The following RTKN2 variants were observed in gnomAD, a reference collection of about 807,000 sequenced individuals.
The protein encoded by RTKN2 is rhotekin 2, also known as rhotekin-2.
RTKN2 carries 69 observed loss-of-function variants against 71.5 expected under a neutral mutation model. That is an observed-to-expected ratio of 0.96 (90% confidence interval 0.79 to 1.18). The LOEUF (loss-of-function observed/expected upper bound fraction) is 1.18, where lower values mean the gene tolerates loss of function less well. Among genes scored for constraint, RTKN2 ranks in the 50% most tolerant of loss-of-function variants. RTKN2 has a pLI of 0.00. For missense variants in RTKN2, 724 were observed against 719.7 expected, an observed-to-expected ratio of 1.01 and a Z score of -0.07; for synonymous variants, 236 against 236.5, an observed-to-expected ratio of 1.00 and a Z score of 0.02.
Position 62,223,329 on chromosome 10 carries a change from AC to A in RTKN2, c.689del (p.Gly230ValfsTer2). 6.3e-7 allele frequency: 1 copy of A among 1,576,846 alleles called. No homozygotes were observed. The highest frequency in any genetic ancestry group is 8.7e-7 in the Non-Finnish European group (1 of 1,146,368). ...MCLLLSSAVFGVKYNLLAHTT... is the reference protein window; with the variant it reads ...MCLLLSSAVFXVKYNLLAHTT... ...TGTGAGCTAGCAAATTATACTTTAC[AC>A]CACTAATAGTAAGAAAGAAGACATG... On this transcript the variant is annotated frameshift_variant and splice_region_variant, in exon 7 of 12. Transcript: ENST00000373789. LOFTEE classifies it high-confidence loss of function.
intron 8 of RTKN2, chr10:62,184,422 C>T (rs1303770591): frequency 8.5e-7 from 1 of 1,183,152 alleles, no homozygotes; most frequent in Non-Finnish European, 1.2e-6. Context: ...TAGTCACCCA[C>T]AGAGGTAAAG....
intron 3 of RTKN2, among the ~76,000 whole-genome samples, chr10:62,245,599 T>C (rs1842463369): frequency 6.6e-6 from 1 of 152,056 alleles, no homozygotes; most frequent in African/African-American, 2.4e-5. Context: ...AAAATAAACA[T>C]GGTACCAAAA....
Position 62,204,909 on chromosome 10 carries a change from TC to T in RTKN2, c.1133del (p.Arg378LysfsTer29), listed in dbSNP as rs776262478. ...AITQIFAVDNREDLQKWMEAF... is the reference protein window; with the variant it reads ...AITQIFAVDNXEDLQKWMEAF... ...CTTCCATCCACTTCTGAAGATCTTCTCTATTGTCAACTGCAAAAATCTGAGT... is the reference window on the plus strand; with the variant it reads ...CTTCCATCCACTTCTGAAGATCTTCTTATTGTCAACTGCAAAAATCTGAGT... On this transcript the variant is annotated frameshift_variant, in exon 10 of 12. Coordinates refer to ENST00000373789, the MANE Select transcript of RTKN2 (RefSeq NM_145307.4). LOFTEE classifies it high-confidence loss of function. 1 of 1,599,034 alleles carries T rather than the reference TC, an allele frequency of 6.3e-7. No individual in the cohort carries two copies. Among genetic ancestry groups the T allele is most frequent in the Non-Finnish European group, 8.5e-7 (1 of 1,175,128 alleles).
At position 62,241,465 on chromosome 10, in the gene RTKN2, A is replaced by G. The variant is rs562268446; in HGVS notation, c.317-270T>C. 3.3e-5 allele frequency among the ~76,000 whole-genome samples: 5 copies of G among 152,210 alleles called. No individual in the cohort carries two copies. The South Asian group carries it at 8.3e-4, about 25-fold the overall frequency. The stretch of plus-strand genomic sequence containing the variant: ...TCTGTTTCTTCCTTACTGATTAATT[A>G]TGACATCTTTATCATATATGCCATT... On this transcript the variant is annotated intron_variant, in intron 3 of 11. Coordinates refer to ENST00000373789, the MANE Select transcript of RTKN2 (RefSeq NM_145307.4).
In RTKN2 at chr10:62,198,148, C is replaced by T. The variant is rs377208191; in HGVS notation, c.1590G>A (p.Trp530Ter). The T allele has an allele frequency of 7.7e-5, 125 of 1,613,976 alleles. No homozygotes were observed. Among genetic ancestry groups the T allele is most frequent in the Non-Finnish European group, 1.0e-4 (120 of 1,180,010 alleles). Residue 530 changes from tryptophan to a stop codon, truncating the protein, a stop_gained, in exon 12 of 12, where the codon TGG becomes TGA. Transcript: ENST00000373789. LOFTEE classifies it high-confidence loss of function. ...SNTDQLVKDN[W>*]GKTSVSQTSS... ...ATGTCTGAGATACACTTGTTTTTCC[C>T]CAGTTGTCCTTAACCAATTGATCTG...
chr10:62,237,493 G>A (rs1349980446), intron 5 of RTKN2, among the ~76,000 whole-genome samples: 1 of 151,762 alleles, frequency 6.6e-6, no homozygotes, highest in Non-Finnish European at 1.5e-5. Flanking sequence ...TATATACATA[G>A]GCATGTTAAA....
At chr10:62,223,893 G>A (rs1476519223) in intron 6 of RTKN2, among the ~76,000 whole-genome samples, 3 of 152,114 alleles carry the variant, frequency 2.0e-5, no homozygotes, top group Admixed American at 2.0e-4. Context: ...ATTGACAATA[G>A]CCTAAAGGTA....
At chr10:62,266,082 G>C (rs958925681) in intron 1 of RTKN2, among the ~76,000 whole-genome samples, 2 of 152,168 alleles carry the variant, frequency 1.3e-5, no homozygotes, top group Non-Finnish European at 2.9e-5. Flanking sequence ...CTGAGTAAGG[G>C]CTTGCCTCTA....
chr10:62,232,000 G>A (rs1286857701), intron 6 of RTKN2, among the ~76,000 whole-genome samples: 1 of 152,198 alleles, frequency 6.6e-6, no homozygotes. Context: ...TCACACTACA[G>A]TGTCAACAGA....
At chr10:62,242,651 T>C (rs1056226925) in intron 3 of RTKN2, among the ~76,000 whole-genome samples, 1 of 151,762 alleles carries the variant, frequency 6.6e-6, no homozygotes, top group African/African-American at 2.4e-5. Flanking sequence ...CGTCTTGCTC[T>C]ACCACCCAGG....
intron 2 of RTKN2, among the ~76,000 whole-genome samples, chr10:62,258,853 T>C (rs1440415014): frequency 6.6e-6 from 1 of 152,164 alleles, no homozygotes; most frequent in African/African-American, 2.4e-5. Context: ...CACAGGTTCT[T>C]TTTTGGACGG....
chr10:62,232,442 G>A (rs1842169861), intron 6 of RTKN2, among the ~76,000 whole-genome samples: 1 of 151,396 alleles, frequency 6.6e-6, no homozygotes, highest in Non-Finnish European at 1.5e-5. Flanking sequence ...AGCCTCCTGG[G>A]TAGTTGGGAC....
chr10:62,236,005 A>C (rs1225904984), intron 6 of RTKN2, 61 bp downstream of exon 6: 3 of 1,195,216 alleles, frequency 2.5e-6, no homozygotes, highest in Non-Finnish European at 3.6e-6. Flanking sequence ...TTCACATATA[A>C]TACTTTAAAA....
chr10:62,213,948 A>G (rs1841714974), intron 9 of RTKN2, among the ~76,000 whole-genome samples: 1 of 151,950 alleles, frequency 6.6e-6, no homozygotes, highest in Admixed American at 6.6e-5. Context: ...ATAGTGCTTG[A>G]TTTTTTCAAT....
intron 8 of RTKN2, 23 bp from the exon 9 acceptor site, chr10:62,217,272 C>G: frequency 1.4e-6 from 2 of 1,406,568 alleles, no homozygotes; most frequent in South Asian, 1.5e-5. Flanking sequence ...AAAAAAAAAT[C>G]AAGAGACTAT....
Position 62,194,798 on chromosome 10 carries a change from A to C in RTKN2, c.*3110T>G. On this transcript the variant is annotated 3_prime_UTR_variant, in exon 12 of 12. Coordinates refer to ENST00000373789, the MANE Select transcript of RTKN2 (RefSeq NM_145307.4). ...GTATCTCTAATTCAAGACAGCTTCC[A>C]TTTTTAATAAATAGTAGCAGGTAAA... 6 of 985,322 alleles carry C rather than the reference A, an allele frequency of 6.1e-6. No homozygotes were observed. Among genetic ancestry groups the C allele is most frequent in the Non-Finnish European group, 7.2e-6 (6 of 829,816 alleles). The allele number at this position is 985,322 out of a possible 1,614,324, so 61.0% of individuals were successfully genotyped here.
chr10:62,242,405 T>C (rs1842394918), intron 3 of RTKN2, among the ~76,000 whole-genome samples: 1 of 152,172 alleles, frequency 6.6e-6, no homozygotes, highest in Admixed American at 6.5e-5. Flanking sequence ...TTTATTAAGG[T>C]TATTCTTGAA....
In RTKN2 at chr10:62,198,099, T is replaced by A; in HGVS notation, c.1639A>T (p.Thr547Ser). ...QTSSLDTKLS[T>S]LMHHLQKPMA... ...GGTTTCTGTAAGTGATGCATTAGAGTTGATAGTTTGGTATCCAAAGACGAT... is the reference window on the plus strand; with the variant it reads ...GGTTTCTGTAAGTGATGCATTAGAGATGATAGTTTGGTATCCAAAGACGAT... Residue 547 changes from threonine (T) to serine (S), a missense_variant, in exon 12 of 12, where the codon ACT becomes TCT. Thr to Ser is a moderately conservative substitution (Grantham distance 58, BLOSUM62 1). Transcript: ENST00000373789. 1 of 1,614,116 alleles carries A rather than the reference T, an allele frequency of 6.2e-7. No homozygotes were observed. Among genetic ancestry groups the A allele is most frequent in the Non-Finnish European group, 8.5e-7 (1 of 1,179,992 alleles).
intron 10 of RTKN2, among the ~76,000 whole-genome samples, chr10:62,202,021 C>A (rs1408516463): frequency 6.6e-6 from 1 of 151,992 alleles, no homozygotes; most frequent in African/African-American, 2.4e-5. Context: ...ATGCTAAGCT[C>A]CTAATGTAAC....
Sources: allele counts gnomAD v4.1 joint callset (sites outside exome capture counted in the v4.1 genomes callset), GRCh38; gene constraint gnomAD v4.1.1; transcripts MANE v1.5; gene names NCBI Gene and HGNC (gene_info 2026-07-23, HGNC 2026-07-21).